RIMBP2: variants seen among roughly 807,000 people sequenced by gnomAD.
RIMBP2 encodes RIMS binding protein 2.
Under a neutral mutation model 118.6 loss-of-function variants are expected in RIMBP2, and 48 were observed. The ratio of observed to expected loss-of-function variants is 0.40; its 90% CI spans 0.32 to 0.51. The LOEUF is 0.51. RIMBP2 is among the 20% of genes least tolerant of loss of function. The probability of loss-of-function intolerance (pLI) is 0.41; values close to 1 mark genes in which losing one functional copy is unlikely to be tolerated. For missense variants in RIMBP2, 1,551 were observed against 1,768.3 expected (o/e 0.88, Z 2.20); for synonymous variants, 762 against 742.9 (o/e 1.03, Z -0.42).
Position 130,441,903 on chromosome 12 carries a change from C to T in RIMBP2, c.1449G>A (p.Pro483=), listed in dbSNP as rs113916798. ...AKPHQMPWQL[P]LEQREKKEAF... is the part of the protein sequence containing the mutation. ...CCTCCTTCTTCTCCCTTTGCTCCAG[C>T]GGGAGCTGCCACGGCATCTGGTGGG... Residue 483 remains proline, a synonymous_variant, in exon 11 of 23, where the codon CCG becomes CCA. Coordinates refer to ENST00000690449, the MANE Select transcript of RIMBP2 (RefSeq NM_001393629.1). 1.6e-3 allele frequency: 2,648 copies of T among 1,613,836 alleles called. 31 individuals are homozygous for T. In the African/African-American group the frequency reaches 0.026, roughly 16 times the overall value.
intron 1 of RIMBP2, among the ~76,000 whole-genome samples, chr12:130,653,128 A>C (rs750561631): frequency 1.3e-5 from 2 of 152,196 alleles, no homozygotes; most frequent in Non-Finnish European, 2.9e-5. Context: ...CCAAAGTCTT[A>C]ACTCATTCCA....
At chr12:130,634,908 T>C (rs2062253125) in intron 1 of RIMBP2, among the ~76,000 whole-genome samples, 1 of 152,150 alleles carries the variant, frequency 6.6e-6, no homozygotes, top group Non-Finnish European at 1.5e-5. Flanking sequence ...TGACTCCACC[T>C]GTAAACAAAT....
At chr12:130,625,834 T>C (rs1163190193) in intron 2 of RIMBP2, among the ~76,000 whole-genome samples, 3 of 152,168 alleles carry the variant, frequency 2.0e-5, no homozygotes, top group Admixed American at 2.0e-4. Context: ...TTGTGATCCC[T>C]AGGAGGACTG....
Position 130,424,289 on chromosome 12 carries a change from C to T in RIMBP2, c.2982G>A (p.Glu994=), listed in dbSNP as rs2076618154. 8.1e-7 allele frequency: 1 copy of T among 1,231,490 alleles called. No individual in the cohort carries two copies. The highest frequency in any genetic ancestry group is 1.0e-6 in the Non-Finnish European group (1 of 987,842). The allele number at this position is 1,231,490 out of a possible 1,614,324, so 76.3% of individuals were successfully genotyped here. ...LRNDDPQPGP[E]RPPPRKHGWG... is the part of the protein sequence containing the mutation. The stretch of plus-strand genomic sequence containing the variant: ...AGCCGTGCTTCCTGGGGGGCGGCCT[C>T]TCCGGGCCGGGCTGGGGGTCGTCGT... The change falls in exon 16 of 23, where the codon GAG becomes GAA. Residue 994 remains glutamate, a synonymous_variant. Coordinates refer to ENST00000690449, the MANE Select transcript of RIMBP2 (RefSeq NM_001393629.1). This position sits in a 1 kb window ranked among gnomAD's most constrained non-coding sequence, Gnocchi z 9.8.
chr12:130,405,103 CT>C (rs2075034174), intron 21 of RIMBP2, among the ~76,000 whole-genome samples: 1 of 152,078 alleles, frequency 6.6e-6, no homozygotes, highest in Admixed American at 6.5e-5. Flanking sequence ...TTTCTATCAC[CT>C]TGAAGGACCT....
intron 1 of RIMBP2, among the ~76,000 whole-genome samples, chr12:130,705,157 G>A (rs993413498): frequency 1.3e-5 from 2 of 152,282 alleles, no homozygotes; most frequent in Non-Finnish European, 2.9e-5. Context: ...AGAGTCACAC[G>A]GATGTGCCTG....
At chr12:130,501,294 T>C (rs1158076927) in intron 4 of RIMBP2, among the ~76,000 whole-genome samples, 2 of 152,154 alleles carry the variant, frequency 1.3e-5, no homozygotes, top group African/African-American at 2.4e-5. Flanking sequence ...TCCTGTTTTT[T>C]TTCTGTGCGG....
intron 2 of RIMBP2, among the ~76,000 whole-genome samples, chr12:130,526,125 T>C (rs10848125): frequency 0.28 from 43,186 of 151,968 alleles, 6,920 homozygotes; most frequent in African/African-American, 0.44. Context: ...GCCTGGGGTA[T>C]CTTCCCTTGC....
chr12:130,499,377 C>T (rs529294476), intron 4 of RIMBP2, among the ~76,000 whole-genome samples: 1 of 152,316 alleles, frequency 6.6e-6, no homozygotes, highest in East Asian at 1.9e-4. Flanking sequence ...CGTACTACGT[C>T]TCTACAGAGT....
intron 1 of RIMBP2, among the ~76,000 whole-genome samples, chr12:130,677,865 T>C (rs2136516238): frequency 6.6e-6 from 1 of 152,346 alleles, no homozygotes; most frequent in African/African-American, 2.4e-5. Context: ...CCAGATCACA[T>C]TACACCTCGT....
At chr12:130,659,518 C>G (rs748289171) in intron 1 of RIMBP2, among the ~76,000 whole-genome samples, 3 of 151,502 alleles carry the variant, frequency 2.0e-5, no homozygotes, top group East Asian at 2.0e-4. Flanking sequence ...GCAGTGAGCC[C>G]AGATCATGCC....
intron 5 of RIMBP2, chr12:130,471,703 C>T (rs192374075): frequency 6.5e-6 from 1 of 152,708 alleles, no homozygotes; most frequent in African/African-American, 2.4e-5. Flanking sequence ...TCTGTGAGCG[C>T]CATCCCCCCA....
chr12:130,674,811 T>C (rs1416319505), intron 1 of RIMBP2, among the ~76,000 whole-genome samples: 1 of 147,824 alleles, frequency 6.8e-6, no homozygotes, highest in Non-Finnish European at 1.5e-5. Context: ...ATGCTTTCCG[T>C]CTGTGTGGGT....
In RIMBP2 at chr12:130,422,748, C is replaced by T. The variant is rs533471036; in HGVS notation, c.3130-187G>A. Among the ~76,000 whole-genome samples, 37 of 152,348 alleles carry T rather than the reference C, an allele frequency of 2.4e-4. No homozygotes were observed. The highest frequency in any genetic ancestry group is 3.4e-3 in the Middle Eastern group (1 of 294). On this transcript the variant is annotated intron_variant, in intron 16 of 22. Coordinates refer to ENST00000690449, the MANE Select transcript of RIMBP2 (RefSeq NM_001393629.1). This position sits in a 1 kb window ranked among gnomAD's most constrained non-coding sequence, Gnocchi z 5.2. Reference sequence around the variant, plus strand: ...GGGCACCAGCACCCCACTGTCTACTCGGAGCCGCTGCTGGGCGCATGGTGG... The same window carrying T: ...GGGCACCAGCACCCCACTGTCTACTTGGAGCCGCTGCTGGGCGCATGGTGG...
At chr12:130,608,020 A>C (rs1182644359) in intron 2 of RIMBP2, among the ~76,000 whole-genome samples, 2 of 152,138 alleles carry the variant, frequency 1.3e-5, no homozygotes, top group African/African-American at 4.8e-5. Flanking sequence ...TTGCCACTGA[A>C]GTAAATATGC....
intron 11 of RIMBP2, 147 bp from the exon 12 acceptor site, chr12:130,438,663 G>T: frequency 3.1e-6 from 1 of 324,038 alleles, no homozygotes; most frequent in Non-Finnish European, 6.1e-6. Context: ...AAGCACATCA[G>T]AAACTGTGGT....
intron 2 of RIMBP2, among the ~76,000 whole-genome samples, chr12:130,602,553 G>A (rs1399956158): frequency 1.3e-5 from 2 of 152,234 alleles, no homozygotes; most frequent in African/African-American, 4.8e-5. Context: ...AGGGACTCCT[G>A]TAAGCGTGGG....
intron 1 of RIMBP2, among the ~76,000 whole-genome samples, chr12:130,634,780 G>A (rs1053830616): frequency 6.6e-6 from 1 of 151,974 alleles, no homozygotes; most frequent in African/African-American, 2.4e-5. Flanking sequence ...ATATATTTTT[G>A]TAGAGATGGG....
intron 4 of RIMBP2, among the ~76,000 whole-genome samples, chr12:130,483,963 A>T (rs2082271186): frequency 6.6e-6 from 1 of 151,956 alleles, no homozygotes; most frequent in Non-Finnish European, 1.5e-5. Flanking sequence ...CATGCCACTA[A>T]CAGGGGCTGC....
Sources: allele counts gnomAD v4.1 joint callset (sites outside exome capture counted in the v4.1 genomes callset), GRCh38; gene constraint gnomAD v4.1.1; non-coding constraint Gnocchi (gnomAD v3.1); transcripts MANE v1.5; gene names NCBI Gene and HGNC (gene_info 2026-07-23, HGNC 2026-07-21).